The following RNF144B variants were observed in gnomAD, a reference collection of about 807,000 sequenced individuals.
The protein encoded by RNF144B is ring finger protein 144B.
Under a neutral mutation model 40.2 loss-of-function variants are expected in RNF144B, and 25 were observed. That is an observed-to-expected ratio of 0.62 (90% CI 0.45 to 0.87). RNF144B has a LOEUF of 0.87. Ranked by LOEUF, RNF144B falls within the 40% of genes least tolerant of loss-of-function variation. The probability of loss-of-function intolerance (pLI) is 0.00; values close to 1 mark genes in which losing one functional copy is unlikely to be tolerated. For synonymous variants in RNF144B, 145 were observed against 136.3 expected, an observed-to-expected ratio of 1.06 and a Z score of -0.44; for missense variants, 365 against 373.7, an observed-to-expected ratio of 0.98 and a Z score of 0.19.
chr6:18,391,153 A>T (rs946094618), intron 1 of RNF144B, among the ~76,000 whole-genome samples: 1 of 152,216 alleles, frequency 6.6e-6, no homozygotes, highest in Admixed American at 6.5e-5. Context: ...GTCCTGACCC[A>T]AGAAATCAGC....
chr6:18,463,317 C>T lies in RNF144B; in HGVS notation c.708C>T (p.Asp236=), dbSNP rs1759508258. 6.2e-7 allele frequency: 1 copy of T among 1,608,198 alleles called. No homozygotes were observed. The highest frequency in any genetic ancestry group is 1.1e-5 in the South Asian group (1 of 90,976). The change falls in exon 7 of 8, where the codon GAC becomes GAT. Residue 236 remains aspartate, a synonymous_variant. Transcript: ENST00000259939. ...ATGACATTTTCCTCAGACATTATGA[C>T]AAAGGGCCATGCAGGAATAAACTTG... is the stretch of plus-strand genomic sequence containing the variant. ...LDNDIFLRHY[D]KGPCRNKLGH...
rs1554182727 is a variant in RNF144B, at chr6:18,467,401, T to TTTG, written c.*2336_*2337insGTT. 3.0e-4 allele frequency: 2 copies of TTTG among 6,750 alleles called. No individual in the cohort carries two copies. The highest frequency in any genetic ancestry group is 7.2e-4 in the Non-Finnish European group (2 of 2,792). 0.4% of individuals were successfully genotyped at this position (6,750 alleles called of 1,614,324 possible). ...TGTATCACTGAATTAGCTGCTTTTG[T>TTTG]TTTTTTTTTTTTTTTTTTGCCAGGG... On this transcript the variant is annotated 3_prime_UTR_variant, in exon 8 of 8. Coordinates refer to ENST00000259939, the MANE Select transcript of RNF144B (RefSeq NM_182757.4).
intron 6 of RNF144B, among the ~76,000 whole-genome samples, chr6:18,462,133 C>A (rs1290076468): frequency 6.6e-6 from 1 of 152,102 alleles, no homozygotes; most frequent in African/African-American, 2.4e-5. Flanking sequence ...ACTTCTTTTC[C>A]TTACTACCCC....
At chr6:18,393,186 C>T (rs966942889) in intron 1 of RNF144B, among the ~76,000 whole-genome samples, 9 of 151,730 alleles carry the variant, frequency 5.9e-5, no homozygotes, top group African/African-American at 1.2e-4. Context: ...TCCCTGACTA[C>T]GAGAGGGGCA....
intron 4 of RNF144B, among the ~76,000 whole-genome samples, chr6:18,451,419 A>G (rs1759207525): frequency 6.6e-6 from 1 of 152,232 alleles, no homozygotes; most frequent in Non-Finnish European, 1.5e-5. Context: ...CTTACTTACG[A>G]TATGAGTTCC....
chr6:18,464,935 G>A lies in RNF144B; in HGVS notation c.780G>A (p.Gly260=). The A allele has an allele frequency of 6.2e-7, 1 of 1,613,934 alleles. No individual in the cohort carries two copies. Among genetic ancestry groups the A allele is most frequent in the Non-Finnish European group, 8.5e-7 (1 of 1,179,918 alleles). The change falls in exon 8 of 8, where the codon GGG becomes GGA. Residue 260 remains glycine, a synonymous_variant. Coordinates refer to ENST00000259939, the MANE Select transcript of RNF144B (RefSeq NM_182757.4). The surrounding 1 kb of genome is among the most constrained non-coding windows in gnomAD (Gnocchi z 6.1). ...SVMWNRTQVV[G]ILVGLGIIAL... ...TTCTTTGAAATTTCCAGGTGGTGGG[G>A]ATTCTCGTAGGCTTGGGCATCATTG...
chr6:18,417,711 G>A (rs182448759), intron 2 of RNF144B, among the ~76,000 whole-genome samples: 5 of 152,110 alleles, frequency 3.3e-5, no homozygotes, highest in South Asian at 2.1e-4. Flanking sequence ...AAGCATAAGC[G>A]ACAAAAGAAA....
rs1002629799 is a variant in RNF144B at position 18,441,128 on chromosome 6, T to C, written c.331+1384T>C. Among the ~76,000 whole-genome samples the C allele has an allele frequency of 1.3e-5, 2 of 152,242 alleles. No individual in the cohort carries two copies. The highest frequency in any genetic ancestry group is 2.9e-5 in the Non-Finnish European group (2 of 68,024). On this transcript the variant is annotated intron_variant, in intron 4 of 7. Coordinates refer to ENST00000259939, the MANE Select transcript of RNF144B (RefSeq NM_182757.4). This position sits in a 1 kb window ranked among gnomAD's most constrained non-coding sequence, Gnocchi z 4.9. ...TCTCTAATCCATCCACATGGGCCGA[T>C]TAGATTGAGCATTATAACACCAGAT...
intron 4 of RNF144B, among the ~76,000 whole-genome samples, chr6:18,449,497 A>T (rs1759160153): frequency 6.6e-6 from 1 of 152,188 alleles, no homozygotes; most frequent in South Asian, 2.1e-4. Context: ...AGAAATATAC[A>T]AAAGTAAAGA....
In RNF144B at chr6:18,466,379, C is replaced by T. The variant is rs1759570604; in HGVS notation, c.*1312C>T. ...TCTGTTAGGACAGTCTGAATACTTT[C>T]TGTTTCAAGGCACTGATAAAACCGC... On this transcript the variant is annotated 3_prime_UTR_variant, in exon 8 of 8. Transcript: ENST00000259939. The T allele has an allele frequency of 6.6e-6, 1 of 152,160 alleles. No individual in the cohort carries two copies. Among genetic ancestry groups the T allele is most frequent in the African/African-American group, 2.4e-5 (1 of 41,448 alleles). 9.4% of individuals were successfully genotyped at this position (152,160 alleles called of 1,614,324 possible).
rs1174295515 is a variant in RNF144B, at chr6:18,405,284, C to T, written c.165+5585C>T. Among the ~76,000 whole-genome samples, 2 of 152,030 alleles carry T rather than the reference C, an allele frequency of 1.3e-5. No individual in the cohort carries two copies. The highest frequency in any genetic ancestry group is 2.9e-5 in the Non-Finnish European group (2 of 68,002). On this transcript the variant is annotated intron_variant, in intron 2 of 7. Transcript: ENST00000259939. The surrounding 1 kb of genome is among the most constrained non-coding windows in gnomAD (Gnocchi z 4.5). Reference sequence around the variant, plus strand: ...CGCCTCCCGGGTTCAAGTGGTTCTCCTGCCTCAGCCTCCGGAGTAGCTGGG... The same window carrying T: ...CGCCTCCCGGGTTCAAGTGGTTCTCTTGCCTCAGCCTCCGGAGTAGCTGGG...
At chr6:18,435,178 C>A (rs563102166) in intron 3 of RNF144B, among the ~76,000 whole-genome samples, 2 of 152,240 alleles carry the variant, frequency 1.3e-5, no homozygotes, top group South Asian at 2.1e-4. Flanking sequence ...AGAGAAATTT[C>A]TGTTTAACAA....
In RNF144B at chr6:18,400,032, G is replaced by A. The variant is rs1794769125; in HGVS notation, c.165+333G>A. Reference sequence around the variant, plus strand: ...CACACCTGTAATCCCAGCACTTTGGGAGGCCGAGGCGGGCGGATCACAAGG... The same window carrying A: ...CACACCTGTAATCCCAGCACTTTGGAAGGCCGAGGCGGGCGGATCACAAGG... On this transcript the variant is annotated intron_variant, in intron 2 of 7. Transcript: ENST00000259939. The surrounding 1 kb of genome is among the most constrained non-coding windows in gnomAD (Gnocchi z 5.6). Among the ~76,000 whole-genome samples the A allele has an allele frequency of 6.6e-6, 1 of 152,084 alleles. No individual in the cohort carries two copies. The highest frequency in any genetic ancestry group is 2.4e-5 in the African/African-American group (1 of 41,416).
At chr6:18,453,514 AT>A (rs886555623) in intron 4 of RNF144B, among the ~76,000 whole-genome samples, 6 of 151,902 alleles carry the variant, frequency 3.9e-5, no homozygotes, top group Admixed American at 1.3e-4. Flanking sequence ...ATATTGATTT[AT>A]TTTTTTTAAA....
chr6:18,429,413 A>G (rs1278927604), intron 3 of RNF144B, among the ~76,000 whole-genome samples: 2 of 152,170 alleles, frequency 1.3e-5, no homozygotes, highest in African/African-American at 4.8e-5. Context: ...TCAGAAAGTT[A>G]GTATAGACAG....
At chr6:18,431,840 G>T (rs1344723423) in intron 3 of RNF144B, among the ~76,000 whole-genome samples, 1 of 152,188 alleles carries the variant, frequency 6.6e-6, no homozygotes, top group Non-Finnish European at 1.5e-5. Flanking sequence ...AGTTGGCTGT[G>T]CTCCATGTAC....
chr6:18,392,215 A>T (rs1385450937), intron 1 of RNF144B, among the ~76,000 whole-genome samples: 1 of 152,122 alleles, frequency 6.6e-6, no homozygotes, highest in East Asian at 1.9e-4. Context: ...CTCAAAAAAA[A>T]AACGATGTGC....
At chr6:18,417,175 GATTT>G (rs1795160738) in intron 2 of RNF144B, among the ~76,000 whole-genome samples, 2 of 152,018 alleles carry the variant, frequency 1.3e-5, no homozygotes, top group Admixed American at 1.3e-4. Context: ...TCCCCAAATG[GATTT>G]ACAGATTCAA....
Position 18,463,274 on chromosome 6 carries a change from A to G in RNF144B, c.682-17A>G, listed in dbSNP as rs766346983. On this transcript the variant is annotated splice_polypyrimidine_tract_variant and intron_variant, in intron 6 of 7. Coordinates refer to ENST00000259939, the MANE Select transcript of RNF144B (RefSeq NM_182757.4). ...TAAAACTGCATATTTACTGAAATCA[A>G]TCTTTTTATTTTTCAGAATGACATT... is the stretch of plus-strand genomic sequence containing the variant. The G allele has an allele frequency of 6.7e-7, 1 of 1,500,798 alleles. No individual in the cohort carries two copies. Among genetic ancestry groups the G allele is most frequent in the South Asian group, 1.1e-5 (1 of 88,810 alleles). 93.0% of individuals were successfully genotyped at this position (1,500,798 alleles called of 1,614,324 possible).
Sources: gnomAD v4.1 joint callset for allele counts (sites outside exome capture counted in the v4.1 genomes callset) on GRCh38, gnomAD v4.1.1 for gene constraint, Gnocchi (gnomAD v3.1) non-coding constraint, MANE v1.5 for transcripts, NCBI Gene and HGNC (gene_info 2026-07-23, HGNC 2026-07-21) for gene names.